Variants in ZFAND3 observed in about 807,000 individuals in gnomAD.
ZFAND3 encodes the protein AN1-type zinc finger protein 3.
Under a neutral mutation model 29.6 loss-of-function variants are expected in ZFAND3, and 10 were observed. The ratio of observed to expected loss-of-function variants is 0.34; its 90% CI spans 0.21 to 0.57. The LOEUF is 0.57. Ranked by LOEUF, ZFAND3 falls within the 20% of genes least tolerant of loss-of-function variation. The pLI is 0.86. For missense variants in ZFAND3, 230 were observed against 304.5 expected (o/e 0.76, Z 1.82); for synonymous variants, 128 against 112.6 (o/e 1.14, Z -0.87).
chr6:37,865,613 A>G (rs1472056786), intron 1 of ZFAND3, among the ~76,000 whole-genome samples: 1 of 152,250 alleles, frequency 6.6e-6, no homozygotes, highest in African/African-American at 2.4e-5. Flanking sequence ...CATGCATTGC[A>G]ACATCTGTGA....
intron 2 of ZFAND3, among the ~76,000 whole-genome samples, chr6:37,966,684 T>C (rs769865525): frequency 7.2e-5 from 11 of 152,196 alleles, no homozygotes; most frequent in Non-Finnish European, 1.6e-4. Flanking sequence ...CCAAATACTT[T>C]AGTGTTTATT....
chr6:38,048,214 G>T (rs1275510924), intron 2 of ZFAND3, among the ~76,000 whole-genome samples: 1 of 151,876 alleles, frequency 6.6e-6, no homozygotes, highest in Non-Finnish European at 1.5e-5. Flanking sequence ...CCATGTCCAG[G>T]ATGGTCTTGA....
chr6:38,045,871 C>T (rs998567131), intron 2 of ZFAND3, among the ~76,000 whole-genome samples: 2 of 152,276 alleles, frequency 1.3e-5, no homozygotes, highest in African/African-American at 4.8e-5. Context: ...GAAATCTGAG[C>T]TTCCTAGGGA....
In ZFAND3 at chr6:38,064,661, A is replaced by G. The variant is rs545834504; in HGVS notation, c.295+2886A>G. 5.9e-5 allele frequency among the ~76,000 whole-genome samples: 8 copies of G among 136,184 alleles called. No homozygotes were observed. The East Asian group carries it at 1.5e-3, about 26-fold the overall frequency. 89.3% of individuals were successfully genotyped at this position (136,184 alleles called of 152,430 possible). A position where few individuals can be genotyped will look rare whatever the true frequency, so the allele number is the denominator to read the frequency against. On this transcript the variant is annotated intron_variant, in intron 3 of 5. Transcript: ENST00000287218. ...CCAGTTTAGGCCACTGTAGACTGCTATGGGCTTTTTTTTTTTTTTTTTTTT... is the reference window on the plus strand; with the variant it reads ...CCAGTTTAGGCCACTGTAGACTGCTGTGGGCTTTTTTTTTTTTTTTTTTTT...
intron 3 of ZFAND3, among the ~76,000 whole-genome samples, chr6:38,081,529 C>T (rs971546010): frequency 1.3e-5 from 2 of 152,152 alleles, no homozygotes; most frequent in African/African-American, 4.8e-5. Context: ...CCATCTTTTA[C>T]TTCTGCTAGT....
At chr6:37,845,929 T>C (rs773944711) in intron 1 of ZFAND3, among the ~76,000 whole-genome samples, 9 of 152,234 alleles carry the variant, frequency 5.9e-5, no homozygotes, top group Admixed American at 1.3e-4. Flanking sequence ...ATTTTTAAAA[T>C]GAAACATTAT....
intron 2 of ZFAND3, among the ~76,000 whole-genome samples, chr6:38,046,862 A>G (rs1336315745): frequency 2.6e-5 from 4 of 152,196 alleles, no homozygotes; most frequent in Non-Finnish European, 4.4e-5. Flanking sequence ...TATGGCATTC[A>G]TACACTCAGA....
At chr6:37,927,288 TGAAGGCTTTCCATGATTCCTG>T (rs1389480009) in intron 1 of ZFAND3, among the ~76,000 whole-genome samples, 1 of 152,248 alleles carries the variant, frequency 6.6e-6, no homozygotes, top group Non-Finnish European at 1.5e-5. Flanking sequence ...AGTTATCCTC[TGAAGGCTTTCCATGATTCCTG>T]CTGGGCAATT....
At chr6:37,937,321 C>G (rs961706138) in intron 2 of ZFAND3, among the ~76,000 whole-genome samples, 1 of 152,084 alleles carries the variant, frequency 6.6e-6, no homozygotes, top group Non-Finnish European at 1.5e-5. Context: ...AATTTGTAAG[C>G]TTGTCATACC....
intron 1 of ZFAND3, among the ~76,000 whole-genome samples, chr6:37,824,860 A>G (rs1763730924): frequency 6.6e-6 from 1 of 152,228 alleles, no homozygotes; most frequent in Non-Finnish European, 1.5e-5. Context: ...TAAAAGATGT[A>G]CTTTAAGATA....
At chr6:38,003,748 C>T in intron 2 of ZFAND3, 1 of 440,318 alleles carries the variant, frequency 2.3e-6, no homozygotes, top group Non-Finnish European at 4.6e-6. Context: ...TCAAGTGATC[C>T]ACCTGCCTCA....
intron 2 of ZFAND3, among the ~76,000 whole-genome samples, chr6:38,053,479 T>G (rs1179965065): frequency 1.3e-5 from 2 of 152,024 alleles, no homozygotes; most frequent in East Asian, 1.9e-4. Flanking sequence ...AGGCTGGAAG[T>G]TCGAGACCAG....
At chr6:37,842,146 T>G (rs1764090247) in intron 1 of ZFAND3, among the ~76,000 whole-genome samples, 1 of 152,168 alleles carries the variant, frequency 6.6e-6, no homozygotes, top group Admixed American at 6.5e-5. Context: ...CCCCACTTCT[T>G]TATACTATCA....
intron 1 of ZFAND3, among the ~76,000 whole-genome samples, chr6:37,823,716 G>A (rs1763707993): frequency 1.3e-5 from 2 of 152,114 alleles, no homozygotes; most frequent in Admixed American, 1.3e-4. Flanking sequence ...AAACTTTGCT[G>A]CCATGGAAAT....
In ZFAND3 at chr6:38,012,579, A is replaced by G. The variant is rs562113320; in HGVS notation, c.113-49014A>G. Among the ~76,000 whole-genome samples, 97 of 152,210 alleles carry G rather than the reference A, an allele frequency of 6.4e-4. 3 individuals are homozygous for G. In the South Asian group the frequency reaches 0.019, roughly 30 times the overall value. The stretch of plus-strand genomic sequence containing the variant: ...TTTTTAGTAGAGACTGGGCTTCACC[A>G]TATTGGTCAGGCTGATCTTGAACTC... On this transcript the variant is annotated intron_variant, in intron 2 of 5. Transcript: ENST00000287218.
At position 37,953,441 on chromosome 6, in the gene ZFAND3, CTTTT is replaced by C. The variant is rs35182018; in HGVS notation, c.112+23458_112+23461del. On this transcript the variant is annotated intron_variant, in intron 2 of 5. Coordinates refer to ENST00000287218, the MANE Select transcript of ZFAND3 (RefSeq NM_021943.3). ...ATACGTTTTACTTTTGCATAATTAT[CTTTT>C]TTTTTTTTTTTTTTTGGCCTTTCTT... Among the ~76,000 whole-genome samples, 7 of 106,210 alleles carry C rather than the reference CTTTT, an allele frequency of 6.6e-5. 1 individual carries two copies. Among genetic ancestry groups the C allele is most frequent in the African/African-American group, 7.5e-5 (2 of 26,760 alleles). 69.7% of individuals were successfully genotyped at this position (106,210 alleles called of 152,430 possible). A position where few individuals can be genotyped will look rare whatever the true frequency, so the allele number is the denominator to read the frequency against.
At chr6:37,880,880 A>T (rs1581730779) in intron 1 of ZFAND3, among the ~76,000 whole-genome samples, 7 of 76,696 alleles carry the variant, frequency 9.1e-5, no homozygotes, top group Admixed American at 1.9e-4. Flanking sequence ...GGGAGGGGGG[A>T]GGGATAGCAT....
intron 2 of ZFAND3, among the ~76,000 whole-genome samples, chr6:38,054,114 C>G (rs2127461084): frequency 6.6e-6 from 1 of 150,668 alleles, no homozygotes; most frequent in African/African-American, 2.4e-5. Flanking sequence ...AGCATGGTGG[C>G]TTACACCTGT....
intron 1 of ZFAND3, among the ~76,000 whole-genome samples, chr6:37,826,501 C>A (rs953921969): frequency 4.6e-5 from 7 of 152,062 alleles, no homozygotes; most frequent in African/African-American, 1.4e-4. Context: ...CGGCTGTAAA[C>A]CCAGCACTTT....
Sources: allele counts gnomAD v4.1 joint callset (sites outside exome capture counted in the v4.1 genomes callset), GRCh38; gene constraint gnomAD v4.1.1; transcripts MANE v1.5; gene names NCBI Gene and HGNC (gene_info 2026-07-23, HGNC 2026-07-21).